The following GAB1 variants were observed in gnomAD, a reference collection of about 807,000 sequenced individuals.
GAB1 encodes GRB2-associated-binding protein 1.
Under a neutral mutation model 66.5 loss-of-function variants are expected in GAB1, and 19 were observed. The ratio of observed to expected loss-of-function variants is 0.29; its 90% CI spans 0.20 to 0.42. The LOEUF is 0.42. Ranked by LOEUF, GAB1 falls within the 10% of genes least tolerant of loss-of-function variation. The probability of loss-of-function intolerance (pLI) is 1.00; values close to 1 mark genes in which losing one functional copy is unlikely to be tolerated. For synonymous variants in GAB1, 294 were observed against 301.4 expected (o/e 0.98, Z 0.25); for missense variants, 732 against 858.5 (o/e 0.85, Z 1.84).
At position 143,469,167 on chromosome 4, in the gene GAB1, C is replaced by G. The variant is rs757720830; in HGVS notation, c.2063C>G (p.Thr688Arg). The change falls in exon 10 of 10, where the codon ACG (threonine) becomes AGG (arginine). Residue 688 changes from threonine to arginine, a missense_variant. By Grantham distance (71) the Thr-to-Arg change is moderately conservative (BLOSUM62 -1). Around this residue, in one of 4 missense-constraint regions of GAB1, gnomAD observed 204 missense variants for 276.8 expected, o/e 0.74. Coordinates refer to ENST00000262994, the MANE Select transcript of GAB1 (RefSeq NM_002039.4). The stretch of plus-strand genomic sequence containing the variant: ...GGGAGACAGTCCACAGAATCAGAAA[C>G]GCCAGCGAAGAGTGTGAAATGAAAA... ...TDGRQSTESE[T>R]PAKSVK 9 of 1,614,004 alleles carry G rather than the reference C, an allele frequency of 5.6e-6. No homozygotes were observed. The highest frequency in any genetic ancestry group is 7.6e-6 in the Non-Finnish European group (9 of 1,180,000).
chr4:143,466,590 A>C (rs1735804564), intron 9 of GAB1, among the ~76,000 whole-genome samples: 1 of 148,624 alleles, frequency 6.7e-6, no homozygotes, highest in South Asian at 2.1e-4. Context: ...CCCAGGTCCA[A>C]ATGATTCTCC....
intron 6 of GAB1, among the ~76,000 whole-genome samples, chr4:143,442,247 T>C (rs965936009): frequency 6.6e-6 from 1 of 152,226 alleles, no homozygotes; most frequent in African/African-American, 2.4e-5. Flanking sequence ...TATTTTCCAG[T>C]AACGAGTGCA....
rs1266221591 is a variant in GAB1 at position 143,459,416 on chromosome 4, G to C, written c.1617G>C (p.Leu539Phe). 1 of 1,610,830 alleles carries C rather than the reference G, an allele frequency of 6.2e-7. No homozygotes were observed. Among genetic ancestry groups the C allele is most frequent in the Admixed American group, 1.7e-5 (1 of 59,992 alleles). The stretch of plus-strand genomic sequence containing the variant: ...CAGCGCCTTTAGAAATAAAACCTTT[G>C]CCAGAATGGGAAGAATTACAAGCCC... The part of the protein sequence containing the change: ...VKPAPLEIKP[L>F]PEWEELQAPV... Residue 539 changes from leucine (L) to phenylalanine (F), a missense_variant, in exon 7 of 10, where the codon TTG becomes TTC. Leu to Phe is a conservative substitution (Grantham distance 22). This residue lies in a region of GAB1 where 204 missense variants were observed against 276.8 expected (regional missense o/e 0.74). Coordinates refer to ENST00000262994, the MANE Select transcript of GAB1 (RefSeq NM_002039.4).
At position 143,369,514 on chromosome 4, in the gene GAB1, CT is replaced by C. The variant is rs751626104; in HGVS notation, c.72+32255del. 4.9e-4 allele frequency among the ~76,000 whole-genome samples: 75 copies of C among 152,170 alleles called. 1 individual carries two copies. Among genetic ancestry groups the C allele is most frequent in the Non-Finnish European group, 1.0e-4 (7 of 68,044 alleles). On this transcript the variant is annotated intron_variant, in intron 1 of 9. Coordinates refer to ENST00000262994, the MANE Select transcript of GAB1 (RefSeq NM_002039.4). ...TGCAGGATGAAAATATCCTGTTGCT[CT>C]AGTAATTCCCACAGAAGGTCAGCCT... is the stretch of plus-strand genomic sequence containing the variant.
intron 9 of GAB1, among the ~76,000 whole-genome samples, chr4:143,468,273 G>A (rs1193912187): frequency 7.2e-6 from 1 of 138,068 alleles, no homozygotes; most frequent in Non-Finnish European, 1.5e-5. Context: ...GCAGTGCAGT[G>A]GCACGATCTT....
At chr4:143,349,644 C>T (rs1305445415) in intron 1 of GAB1, 6 of 1,458,068 alleles carry the variant, frequency 4.1e-6, no homozygotes, top group South Asian at 2.4e-5. Flanking sequence ...CGATCTTGTT[C>T]CCCCAGTAGC....
chr4:143,458,882 T>C (rs929502011), intron 6 of GAB1, among the ~76,000 whole-genome samples: 5 of 152,016 alleles, frequency 3.3e-5, no homozygotes, highest in Non-Finnish European at 7.4e-5. Context: ...GATTCGAACA[T>C]TTTTTCAGTT....
chr4:143,457,211 A>C (rs938567682), intron 6 of GAB1, among the ~76,000 whole-genome samples: 21 of 152,210 alleles, frequency 1.4e-4, no homozygotes, highest in South Asian at 4.1e-4. Context: ...TTAGAAAAGT[A>C]ATATTACAAG....
chr4:143,463,037 T>C (rs1248485012), intron 8 of GAB1, among the ~76,000 whole-genome samples: 1 of 152,148 alleles, frequency 6.6e-6, no homozygotes, highest in Non-Finnish European at 1.5e-5. Context: ...CATACCTATC[T>C]ACCAAGTACA....
intron 1 of GAB1, among the ~76,000 whole-genome samples, chr4:143,374,655 T>C (rs994429742): frequency 1.3e-5 from 2 of 152,196 alleles, no homozygotes; most frequent in African/African-American, 4.8e-5. Flanking sequence ...ATGGGCATCA[T>C]TGTCCAACCA....
Position 143,459,366 on chromosome 4 carries a change from T to C in GAB1, c.1586-19T>C, listed in dbSNP as rs1354363136. On this transcript the variant is annotated intron_variant, in intron 6 of 9. Transcript: ENST00000262994. ...AAGTTCTGTATACTAAAAATCTCTT[T>C]TTCTCTTTTTCTTTTCAGTCAAGCC... The C allele has an allele frequency of 1.4e-6, 2 of 1,472,292 alleles. No homozygotes were observed. 91.2% of individuals were successfully genotyped at this position (1,472,292 alleles called of 1,614,324 possible).
intron 6 of GAB1, chr4:143,457,675 A>T (rs540494583): frequency 7.0e-7 from 1 of 1,424,220 alleles, no homozygotes; most frequent in East Asian, 2.4e-5. Context: ...CTTTTTACCA[A>T]TTAGGTCAAA....
At chr4:143,385,262 A>G (rs1374007338) in intron 1 of GAB1, among the ~76,000 whole-genome samples, 1 of 152,210 alleles carries the variant, frequency 6.6e-6, no homozygotes, top group Non-Finnish European at 1.5e-5. Context: ...ATTAGTTCCT[A>G]TGAAAATGAT....
At chr4:143,448,649 A>G (rs1734710291) in intron 6 of GAB1, among the ~76,000 whole-genome samples, 1 of 151,478 alleles carries the variant, frequency 6.6e-6, no homozygotes, top group Non-Finnish European at 1.5e-5. Flanking sequence ...CCCCTTTATC[A>G]TTTTTATTGC....
chr4:143,409,182 T>G (rs1263598719), intron 1 of GAB1, among the ~76,000 whole-genome samples: 1 of 152,174 alleles, frequency 6.6e-6, no homozygotes, highest in African/African-American at 2.4e-5. Flanking sequence ...GGTCTTGAGC[T>G]AGGTCTTGAA....
chr4:143,367,479 G>T (rs1729931488), intron 1 of GAB1, among the ~76,000 whole-genome samples: 1 of 151,716 alleles, frequency 6.6e-6, no homozygotes, highest in South Asian at 2.1e-4. Context: ...CTCTTTGCAG[G>T]AAAGCCCCAG....
In GAB1 at chr4:143,337,119, G is replaced by C; in HGVS notation, c.-70G>C. Reference sequence around the variant, plus strand: ...GTTCTCGCCACTGCGCGCTCGGCAGGCGTCGGCTGTGTCGGGAGCGCGCCC... The same window carrying C: ...GTTCTCGCCACTGCGCGCTCGGCAGCCGTCGGCTGTGTCGGGAGCGCGCCC... On this transcript the variant is annotated 5_prime_UTR_variant, in exon 1 of 10. Transcript: ENST00000262994. 7.2e-7 allele frequency: 1 copy of C among 1,386,314 alleles called. No homozygotes were observed. Among genetic ancestry groups the C allele is most frequent in the South Asian group, 1.3e-5 (1 of 78,478 alleles). The allele number at this position is 1,386,314 out of a possible 1,614,324, so 85.9% of individuals were successfully genotyped here.
At chr4:143,398,322 AT>A (rs1451270644) in intron 1 of GAB1, among the ~76,000 whole-genome samples, 1 of 152,238 alleles carries the variant, frequency 6.6e-6, no homozygotes, top group African/African-American at 2.4e-5. Context: ...ATTTCAGAAT[AT>A]TTTTTGTATG....
chr4:143,467,014 C>A (rs1265418116), intron 9 of GAB1, among the ~76,000 whole-genome samples: 1 of 152,178 alleles, frequency 6.6e-6, no homozygotes, highest in Non-Finnish European at 1.5e-5. Context: ...GACCTTCCTT[C>A]TGCAATAATT....
Sources: allele counts gnomAD v4.1 joint callset (sites outside exome capture counted in the v4.1 genomes callset), GRCh38; gene constraint gnomAD v4.1.1; regional missense constraint gnomAD v4.1.1; transcripts MANE v1.5; gene names NCBI Gene and HGNC (gene_info 2026-07-23, HGNC 2026-07-21).